Variants in SLC12A3 observed in about 807,000 individuals in gnomAD.
The protein encoded by SLC12A3 is solute carrier family 12 member 3.
A neutral mutation model predicts 121.0 loss-of-function variants in SLC12A3; 104 were observed. The ratio of observed to expected loss-of-function variants is 0.86; its 90% CI spans 0.73 to 1.01. The LOEUF (loss-of-function observed/expected upper bound fraction) is 1.01. Ranked by LOEUF, SLC12A3 falls within the 50% of genes least tolerant of loss-of-function variation. The pLI, the probability that SLC12A3 is intolerant of heterozygous loss-of-function variation, is 0.00. For synonymous variants in SLC12A3, 536 were observed against 533.4 expected, an observed-to-expected ratio of 1.00 and a Z score of -0.07; for missense variants, 1,328 against 1,356.3, an observed-to-expected ratio of 0.98 and a Z score of 0.33.
At chr16:56,880,881 G>A (rs2055231105) in intron 12 of SLC12A3, among the ~76,000 whole-genome samples, 1 of 152,200 alleles carries the variant, frequency 6.6e-6, no homozygotes, top group Non-Finnish European at 1.5e-5. Flanking sequence ...CTGCAGAATG[G>A]GAGCAATAGT....
chr16:56,876,938 G>A (rs1289665663), intron 8 of SLC12A3, among the ~76,000 whole-genome samples: 1 of 152,216 alleles, frequency 6.6e-6, no homozygotes, highest in East Asian at 1.9e-4. Context: ...CTTTGGTGTG[G>A]TCAGGCCCAG....
Position 56,913,491 on chromosome 16 carries a change from T to A in SLC12A3, c.*86T>A, listed in dbSNP as rs2055714731. On this transcript the variant is annotated 3_prime_UTR_variant, in exon 26 of 26. Coordinates refer to ENST00000563236, the MANE Select transcript of SLC12A3 (RefSeq NM_001126108.2). The stretch of plus-strand genomic sequence containing the variant: ...TGCCTCTAGTCCACAGGGATGAGAC[T>A]CATGTTCTGTTGCACTTTAAGTGGC... 7.5e-7 allele frequency: 1 copy of A among 1,330,042 alleles called. No homozygotes were observed. The highest frequency in any genetic ancestry group is 2.3e-5 in the East Asian group (1 of 43,544). The allele number at this position is 1,330,042 out of a possible 1,614,324, so 82.4% of individuals were successfully genotyped here.
chr16:56,875,138 C>G (rs1196203171), intron 8 of SLC12A3, among the ~76,000 whole-genome samples: 1 of 115,114 alleles, frequency 8.7e-6, no homozygotes, highest in Non-Finnish European at 2.0e-5. Flanking sequence ...ATGAGGCCCG[C>G]GCGCCTGCAC....
At chr16:56,879,715 C>T (rs533633937) in intron 11 of SLC12A3, 66 bp downstream of exon 11, 37 of 1,219,924 alleles carry the variant, frequency 3.0e-5, no homozygotes, top group African/African-American at 1.0e-4. Flanking sequence ...CACAATAGGG[C>T]GGGTCCCTGG....
intron 25 of SLC12A3, among the ~76,000 whole-genome samples, chr16:56,911,328 T>TTTG (rs1212809318): frequency 6.6e-6 from 1 of 150,726 alleles, no homozygotes; most frequent in African/African-American, 2.5e-5. Context: ...TGTTTGTTTG[T>TTTG]TTGTTTGTTT....
intron 19 of SLC12A3, among the ~76,000 whole-genome samples, chr16:56,891,867 G>C (rs1288024219): frequency 2.0e-5 from 3 of 152,200 alleles, no homozygotes; most frequent in Non-Finnish European, 2.9e-5. Flanking sequence ...AACGTGGCCT[G>C]TTTGAGGGGC....
chr16:56,887,796 ATATTTT>A (rs1334572945), intron 17 of SLC12A3, 123 bp from the exon 18 acceptor site: 514 of 87,084 alleles, frequency 5.9e-3, no homozygotes, highest in Non-Finnish European at 9.8e-3. Flanking sequence ...ATATATATAT[ATATTTT>A]TTTTTTTTTT....
chr16:56,901,386 T>C (rs1223932044), intron 23 of SLC12A3, among the ~76,000 whole-genome samples: 7 of 141,320 alleles, frequency 5.0e-5, no homozygotes, highest in Admixed American at 1.5e-4. Context: ...ATCACCCAGG[T>C]TGGAGTACAG....
intron 14 of SLC12A3, among the ~76,000 whole-genome samples, chr16:56,884,699 T>C (rs1170823980): frequency 6.6e-6 from 1 of 152,174 alleles, no homozygotes; most frequent in African/African-American, 2.4e-5. Context: ...AGTGTCAACC[T>C]GGGCTTCTAG....
In SLC12A3 at chr16:56,892,913, G is replaced by A. The variant is rs201967623; in HGVS notation, c.2420-40G>A. ...CTGGGCCAGGCCTGCCTGGATGCGC[G>A]GCTGCTGGCTCTGCTCTGACCCGCC... On this transcript the variant is annotated intron_variant, in intron 20 of 25. Coordinates refer to ENST00000563236, the MANE Select transcript of SLC12A3 (RefSeq NM_001126108.2). 660 of 1,557,472 alleles carry A rather than the reference G, an allele frequency of 4.2e-4. 2 individuals are homozygous for A. The African/African-American group carries it at 6.9e-3, about 16-fold the overall frequency.
At chr16:56,896,961 A>G (rs2055469760) in intron 22 of SLC12A3, among the ~76,000 whole-genome samples, 6 of 151,984 alleles carry the variant, frequency 3.9e-5, no homozygotes, top group Admixed American at 3.9e-4. Flanking sequence ...GCATGGTAGC[A>G]TGTGCCTGCA....
rs758071801 is a variant in SLC12A3, at chr16:56,886,457, C to T, written c.2019C>T (p.Ile673=). ...TCACCCGGAACCTCAGCCTGATGAT[C>T]TGTGGCCACGTGCTCATCGTGAGTG... ...GTFTRNLSLM[I]CGHVLIGPHK... is the part of the protein sequence containing the mutation. The change falls in exon 16 of 26, where the codon ATC becomes ATT. Residue 673 remains isoleucine (I), a synonymous_variant. Coordinates refer to ENST00000563236, the MANE Select transcript of SLC12A3 (RefSeq NM_001126108.2). 1.2e-6 allele frequency: 2 copies of T among 1,613,944 alleles called. No homozygotes were observed. The highest frequency in any genetic ancestry group is 4.5e-5 in the East Asian group (2 of 44,876).
At chr16:56,867,275 CAT>C (rs1276465653) in intron 2 of SLC12A3, 59 bp downstream of exon 2, 1 of 1,528,206 alleles carries the variant, frequency 6.5e-7, no homozygotes, top group Non-Finnish European at 8.9e-7. Flanking sequence ...GGCAGAGCTC[CAT>C]CCAGGCTCAG....
Position 56,870,676 on chromosome 16 carries a change from C to T in SLC12A3, c.792C>T (p.Ala264=), listed in dbSNP as rs770773802. ...VDPINDIRII[A]VVSVTVLLAI... ...CCATTAACGACATCCGCATCATTGC[C>T]GTGGTCTCGGTCACTGTGCTGCTGG... The change falls in exon 6 of 26, where the codon GCC becomes GCT. Residue 264 remains alanine (A), a synonymous_variant. Coordinates refer to ENST00000563236, the MANE Select transcript of SLC12A3 (RefSeq NM_001126108.2). 42 of 1,613,698 alleles carry T rather than the reference C, an allele frequency of 2.6e-5. No individual in the cohort carries two copies. Among genetic ancestry groups the T allele is most frequent in the Non-Finnish European group, 3.2e-5 (38 of 1,179,760 alleles).
Position 56,865,394 on chromosome 16 carries a change from G to A in SLC12A3, c.159G>A (p.Met53Ile). 1 of 1,614,204 alleles carries A rather than the reference G, an allele frequency of 6.2e-7. No homozygotes were observed. The highest frequency in any genetic ancestry group is 8.5e-7 in the Non-Finnish European group (1 of 1,180,052). The change falls in exon 1 of 26, where the codon ATG (methionine) becomes ATA (isoleucine). Residue 53 changes from methionine (M) to isoleucine (I), a missense_variant. Physicochemically the swap from Met to Ile is conservative, Grantham distance 10 (BLOSUM62 1). Transcript: ENST00000563236. ...SHLTHSSTFC[M>I]RTFGYNTIDV... ...TGACCCACAGCAGCACCTTCTGCATGCGCACCTTTGGCTACAACACGATCG... is the reference window on the plus strand; with the variant it reads ...TGACCCACAGCAGCACCTTCTGCATACGCACCTTTGGCTACAACACGATCG...
rs749206626 is a variant in SLC12A3 at position 56,888,549 on chromosome 16, ATTT to A, written c.2285+543_2285+545del. On this transcript the variant is annotated intron_variant, in intron 18 of 25. Coordinates refer to ENST00000563236, the MANE Select transcript of SLC12A3 (RefSeq NM_001126108.2). ...GGGCCCAATGTTGCCAGATCTTTTA[ATTT>A]TTTTTTTTTTTTTTTTTTTTTTTTG... Among the ~76,000 whole-genome samples, 26 of 85,918 alleles carry A rather than the reference ATTT, an allele frequency of 3.0e-4. 1 individual carries two copies. The highest frequency in any genetic ancestry group is 0.012 in the Middle Eastern group (1 of 86). The allele number at this position is 85,918 out of a possible 152,430, so 56.4% of individuals were successfully genotyped here.
chr16:56,893,151 A>G, intron 21 of SLC12A3, 97 bp downstream of exon 21: 4 of 1,016,400 alleles, frequency 3.9e-6, no homozygotes, highest in Non-Finnish European at 3.0e-6. Flanking sequence ...CAAAGGGGAC[A>G]GGGGCTCCTG....
chr16:56,901,347 C>CTTTTTTTTTTTTTT lies in SLC12A3; in HGVS notation c.2721-1014_2721-1013insTTTTTTTTTTTTTT, dbSNP rs113592874. 1.8e-3 allele frequency among the ~76,000 whole-genome samples: 227 copies of CTTTTTTTTTTTTTT among 128,816 alleles called. 5 individuals are homozygous for CTTTTTTTTTTTTTT. The highest frequency in any genetic ancestry group is 2.3e-3 in the Non-Finnish European group (147 of 63,390). The allele number at this position is 128,816 out of a possible 152,430, so 84.5% of individuals were successfully genotyped here. Reference sequence around the variant, plus strand: ...CAATCAGCCCTACATCTCTCTCTCTCTTTTTTTTTTTTGAGACAGTCTCAC... The same window carrying CTTTTTTTTTTTTTT: ...CAATCAGCCCTACATCTCTCTCTCTCTTTTTTTTTTTTTTTTTTTTTTTTTTGAGACAGTCTCAC... On this transcript the variant is annotated intron_variant, in intron 23 of 25. Transcript: ENST00000563236.
rs1278167980 is a variant in SLC12A3 at position 56,884,138 on chromosome 16, T to G, written c.1759T>G (p.Trp587Gly). The G allele has an allele frequency of 1.7e-5, 28 of 1,614,210 alleles. No homozygotes were observed. The highest frequency in any genetic ancestry group is 3.3e-4 in the Middle Eastern group (2 of 6,062). The change falls in exon 14 of 26, where the codon TGG becomes GGG. Residue 587 changes from tryptophan (W) to glycine (G), a missense_variant. Coordinates refer to ENST00000563236, the MANE Select transcript of SLC12A3 (RefSeq NM_001126108.2). ...GGTCATCATGTTCCTCCTCACCTGG[T>G]GGGCGGCCCTCATCGCCATTGGCGT... ...SVVIMFLLTW[W>G]AALIAIGVVL... is the part of the protein sequence containing the mutation.
Sources: gnomAD v4.1 joint callset for allele counts (sites outside exome capture counted in the v4.1 genomes callset) on GRCh38, gnomAD v4.1.1 for gene constraint, MANE v1.5 for transcripts, NCBI Gene and HGNC (gene_info 2026-07-23, HGNC 2026-07-21) for gene names.